The following C16orf92 variants were observed in gnomAD, a reference collection of about 807,000 sequenced individuals.
The protein encoded by C16orf92 is fertilization-influencing membrane protein 1.
A neutral mutation model predicts 13.7 loss-of-function variants in C16orf92; 14 were observed. The observed-to-expected ratio is 1.02, with a 90% CI of 0.67 to 1.60. The LOEUF (loss-of-function observed/expected upper bound fraction) is 1.60. Ranked by LOEUF, C16orf92 falls within the 40% of genes most tolerant of loss-of-function variation. The pLI is 0.00. For synonymous variants in C16orf92, 50 were observed against 57.4 expected (o/e 0.87, Z 0.58); for missense variants, 116 against 139.0 (o/e 0.83, Z 0.83).
In C16orf92 at chr16:30,023,498, C is replaced by T. The variant is rs2070947100; in HGVS notation, c.64+94C>T. ...AGGGACTCGGAAGCCAACCCTGCAC[C>T]CTCTCATTTTCTCTCCACTCTTCTC... On this transcript the variant is annotated intron_variant, in intron 1 of 3. Transcript: ENST00000681219. The T allele has an allele frequency of 8.5e-6, 12 of 1,416,694 alleles. No homozygotes were observed. In the Admixed American group the frequency reaches 1.2e-4, roughly 14 times the overall value. 87.8% of individuals were successfully genotyped at this position (1,416,694 alleles called of 1,614,324 possible). A position where few individuals can be genotyped will look rare whatever the true frequency, so the allele number is the denominator to read the frequency against.
downstream of C16orf92, chr16:30,025,174 C>A: frequency 7.0e-7 from 1 of 1,434,694 alleles, no homozygotes; most frequent in Non-Finnish European, 9.1e-7. The surrounding 1 kb of genome is among the most constrained non-coding windows in gnomAD (Gnocchi z 4.1). Flanking sequence ...AGGGTCCCGG[C>A]CCCCGGCCTC....
Position 30,024,227 on chromosome 16 carries a change from A to C in C16orf92, c.333A>C (p.Ter111TyrextTer76). Residue 111 changes from the stop codon to tyrosine, a stop_lost, in exon 4 of 4, where the codon TAA becomes TAC. Coordinates refer to ENST00000681219, the MANE Select transcript of C16orf92 (RefSeq NM_001109659.2). ...ACAGAAACTTCCAGAAAGGGGCCTA[A>C]AGAGCCGGACAAGGGCTCTGGACTC... The part of the protein sequence containing the change: ...CTHINFQKGA[*>Y] 1.2e-6 allele frequency: 2 copies of C among 1,613,938 alleles called. No individual in the cohort carries two copies. The highest frequency in any genetic ancestry group is 1.7e-6 in the Non-Finnish European group (2 of 1,179,880).
Position 30,023,792 on chromosome 16 carries a change from C to T in C16orf92, c.130C>T (p.Pro44Ser). The T allele has an allele frequency of 6.2e-7, 1 of 1,614,194 alleles. No homozygotes were observed. The highest frequency in any genetic ancestry group is 8.5e-7 in the Non-Finnish European group (1 of 1,180,024). ...AGAGTCTCCGCGCTTCTTAGACAGA[C>T]CTGACTTCTTCGATTATCCGGACTC... Reference protein sequence around the residue: ...GTESPRFLDRPDFFDYPDSDQ... With the variant: ...GTESPRFLDRSDFFDYPDSDQ... Residue 44 changes from proline to serine, a missense_variant, in exon 2 of 4, where the codon CCT (proline) becomes TCT (serine). Coordinates refer to ENST00000681219, the MANE Select transcript of C16orf92 (RefSeq NM_001109659.2).
intron 1 of C16orf92, 151 bp from the exon 2 acceptor site, chr16:30,023,576 T>G: frequency 6.8e-7 from 1 of 1,480,234 alleles, no homozygotes; most frequent in Non-Finnish European, 9.3e-7. Flanking sequence ...CTTGTCGTGG[T>G]GCACCCAGCT....
chr16:30,026,127 G>A (rs980653519), downstream of C16orf92, among the ~76,000 whole-genome samples: 11 of 152,096 alleles, frequency 7.2e-5, no homozygotes, highest in African/African-American at 2.7e-4. Flanking sequence ...CCCAGCTACT[G>A]GGGAGGCTGA....
At chr16:30,023,440 C>T (rs375949256) in intron 1 of C16orf92, 36 bp downstream of exon 1, 180 of 1,596,552 alleles carry the variant, frequency 1.1e-4, no homozygotes, top group Non-Finnish European at 1.5e-4. Flanking sequence ...GGAAGGCAGG[C>T]AGCTCTGGGA....
chr16:30,025,060 G>T (rs1199417114), downstream of C16orf92: 3 of 644,186 alleles, frequency 4.7e-6, no homozygotes, highest in Middle Eastern at 4.2e-4. The surrounding 1 kb of genome is among the most constrained non-coding windows in gnomAD (Gnocchi z 4.1). Flanking sequence ...CCCTTTCGGG[G>T]TCATCGTCAG....
rs1129062 is a variant in C16orf92 at position 30,024,677 on chromosome 16, A to G, written c.*450A>G. ...CAACAGACTAGTTCAAATTTGGGTA[A>G]ATAAATAAAATAAATAAGATTCCTC... On this transcript the variant is annotated 3_prime_UTR_variant, in exon 4 of 4. Coordinates refer to ENST00000681219, the MANE Select transcript of C16orf92 (RefSeq NM_001109659.2). The G allele has an allele frequency of 0.048, 8,952 of 187,682 alleles. 316 individuals are homozygous for G. The highest frequency in any genetic ancestry group is 0.07 in the Non-Finnish European group (6,409 of 91,674). The allele number at this position is 187,682 out of a possible 1,614,324, so 11.6% of individuals were successfully genotyped here.
chr16:30,025,653 C>T, downstream of C16orf92: 2 of 1,533,478 alleles, frequency 1.3e-6, no homozygotes, highest in Non-Finnish European at 1.8e-6. This position sits in a 1 kb window ranked among gnomAD's most constrained non-coding sequence, Gnocchi z 4.1. Flanking sequence ...GAGCCCTTGG[C>T]AGCAACCTTG....
At chr16:30,027,073 C>CCT (rs2071177002), downstream of C16orf92, 2 of 653,782 alleles carry the variant, frequency 3.1e-6, no homozygotes, top group Non-Finnish European at 5.7e-6. Flanking sequence ...CACCCATGTT[C>CCT]CTCTCTCTCT....
At chr16:30,025,877 G>T, downstream of C16orf92, 1 of 1,379,146 alleles carries the variant, frequency 7.3e-7, no homozygotes, top group Non-Finnish European at 1.0e-6. This position sits in a 1 kb window ranked among gnomAD's most constrained non-coding sequence, Gnocchi z 4.1. Context: ...TTCTTGGGCA[G>T]CCCCCGCCCT....
At chr16:30,027,486 C>T (rs1314157301), downstream of C16orf92, 1 of 438,746 alleles carries the variant, frequency 2.3e-6, no homozygotes, top group Non-Finnish European at 4.7e-6. Context: ...CCACCATCCC[C>T]AGAAGATCCG....
chr16:30,024,007 C>A lies in C16orf92; in HGVS notation c.232C>A (p.Pro78Thr). Residue 78 changes from proline (P) to threonine (T), a missense_variant, in exon 3 of 4, where the codon CCC becomes ACC. By Grantham distance (38) the Pro-to-Thr change is conservative (BLOSUM62 -1). Coordinates refer to ENST00000681219, the MANE Select transcript of C16orf92 (RefSeq NM_001109659.2). Reference sequence around the variant, plus strand: ...TCCTGTTTGTCTAGCAGGTTCCAGCCCCGGGCTCTTCCATCACATCCTGGT... The same window carrying A: ...TCCTGTTTGTCTAGCAGGTTCCAGCACCGGGCTCTTCCATCACATCCTGGT... Reference protein sequence around the residue: ...PIVFINSGSSPGLFHHILVGL... With the variant: ...PIVFINSGSSTGLFHHILVGL... The A allele has an allele frequency of 6.2e-7, 1 of 1,613,568 alleles. No homozygotes were observed. The highest frequency in any genetic ancestry group is 2.2e-5 in the East Asian group (1 of 44,884).
chr16:30,024,946 GC>G, downstream of C16orf92: 1 of 457,710 alleles, frequency 2.2e-6, no homozygotes, highest in Admixed American at 4.0e-5. Context: ...GGGAGGCGGT[GC>G]CCCCTCCCCT....
At chr16:30,026,140 T>C (rs765152439), downstream of C16orf92, among the ~76,000 whole-genome samples, 1 of 151,994 alleles carries the variant, frequency 6.6e-6, no homozygotes, top group Non-Finnish European at 1.5e-5. Context: ...GAGGCTGAGA[T>C]GGGAGAATCA....
downstream of C16orf92, chr16:30,026,773 G>C: frequency 1.2e-6 from 2 of 1,614,180 alleles, no homozygotes; most frequent in Non-Finnish European, 1.7e-6. Flanking sequence ...CAGTGACAGA[G>C]GAACATGGCG....
At chr16:30,026,632 G>A, downstream of C16orf92, 1 of 1,613,258 alleles carries the variant, frequency 6.2e-7, no homozygotes, top group Non-Finnish European at 8.5e-7. Context: ...AAGCACACCA[G>A]CACCATGGCG....
chr16:30,025,180 G>C, downstream of C16orf92: 1 of 1,446,020 alleles, frequency 6.9e-7, no homozygotes, highest in African/African-American at 1.4e-5. The surrounding 1 kb of genome is among the most constrained non-coding windows in gnomAD (Gnocchi z 4.1). Flanking sequence ...CCGGCCCCCG[G>C]CCTCAGTCCT....
chr16:30,023,351 G>A lies in C16orf92; in HGVS notation c.11G>A (p.Trp4Ter). Residue 4 changes from tryptophan to a stop codon, truncating the protein, a stop_gained, in exon 1 of 4, where the codon TGG (tryptophan) becomes TAG (stop). Coordinates refer to ENST00000681219, the MANE Select transcript of C16orf92 (RefSeq NM_001109659.2). LOFTEE classifies it high-confidence loss of function. The part of the protein sequence containing the change: MRL[W>*]PWVLVWVWLA... The stretch of plus-strand genomic sequence containing the variant: ...CTCATGATAGGAGTCATGAGGCTGT[G>A]GCCATGGGTGCTGGTGTGGGTGTGG... The A allele has an allele frequency of 6.2e-7, 1 of 1,607,008 alleles. No homozygotes were observed. Among genetic ancestry groups the A allele is most frequent in the Non-Finnish European group, 8.5e-7 (1 of 1,177,050 alleles).
Sources: gnomAD v4.1 joint callset for allele counts (sites outside exome capture counted in the v4.1 genomes callset) on GRCh38, gnomAD v4.1.1 for gene constraint, Gnocchi (gnomAD v3.1) non-coding constraint, MANE v1.5 for transcripts, NCBI Gene and HGNC (gene_info 2026-07-23, HGNC 2026-07-21) for gene names.